Variants in KRAS observed in about 807,000 individuals in gnomAD.
KRAS encodes the protein KRas proto-oncogene, GTPase.
A neutral mutation model predicts 21.0 loss-of-function variants in KRAS; 1 was observed. That is an observed-to-expected ratio of 0.05 (90% CI 0.02 to 0.23). The LOEUF (loss-of-function observed/expected upper bound fraction) is 0.23. Ranked by LOEUF, KRAS falls within the 10% of genes least tolerant of loss-of-function variation. The probability of loss-of-function intolerance (pLI) is 1.00; values close to 1 mark genes in which losing one functional copy is unlikely to be tolerated. For missense variants in KRAS, 107 were observed against 221.8 expected (o/e 0.48, Z 3.29); for synonymous variants, 67 against 72.5 (o/e 0.92, Z 0.39).
intron 1 of KRAS, 49 bp from the exon 2 acceptor site, chr12:25,245,444 A>C: frequency 6.6e-7 from 1 of 1,515,192 alleles, no homozygotes; most frequent in South Asian, 1.2e-5. Context: ...CATGTCACAC[A>C]TAAGGTTAAT....
At position 25,215,461 on chromosome 12, in the gene KRAS, T is replaced by A. The variant is rs749267065; in HGVS notation, c.451-5550A>T. 5.6e-6 allele frequency: 9 copies of A among 1,612,782 alleles called. No individual in the cohort carries two copies. The East Asian group carries it at 6.7e-5, about 12-fold the overall frequency. ...CCAGATTACATTATAATGCATTTTTTAATTTTCACACAGCCAGGAGTCTTT... is the reference window on the plus strand; with the variant it reads ...CCAGATTACATTATAATGCATTTTTAAATTTTCACACAGCCAGGAGTCTTT... On this transcript the variant is annotated intron_variant, in intron 4 of 4. Transcript: ENST00000311936.
At chr12:25,226,892 T>C (rs1951400396) in intron 3 of KRAS, among the ~76,000 whole-genome samples, 1 of 152,182 alleles carries the variant, frequency 6.6e-6, no homozygotes, top group African/African-American at 2.4e-5. Context: ...CCATCTCAAA[T>C]CATCTTTTCA....
chr12:25,223,990 G>C (rs1233303137), intron 4 of KRAS, among the ~76,000 whole-genome samples: 3 of 152,000 alleles, frequency 2.0e-5, no homozygotes, highest in Non-Finnish European at 4.4e-5. Flanking sequence ...ATATGTGATA[G>C]TGGTCCCATA....
chr12:25,230,231 A>G (rs780409367), intron 2 of KRAS, among the ~76,000 whole-genome samples: 8 of 152,210 alleles, frequency 5.3e-5, no homozygotes, highest in African/African-American at 7.2e-5. Context: ...GATCACAATA[A>G]TATGTGTTTA....
At chr12:25,211,673 GAA>G (rs1951201612) in intron 4 of KRAS, among the ~76,000 whole-genome samples, 1 of 152,102 alleles carries the variant, frequency 6.6e-6, no homozygotes, top group Non-Finnish European at 1.5e-5. Flanking sequence ...CATGAACAAT[GAA>G]AATTAGCTAC....
intron 4 of KRAS, among the ~76,000 whole-genome samples, chr12:25,224,146 C>G (rs975683559): frequency 7.2e-6 from 1 of 138,828 alleles, no homozygotes; most frequent in Non-Finnish European, 1.5e-5. Flanking sequence ...GGTATAGCAC[C>G]TATATTGTTA....
chr12:25,213,410 T>C (rs930095388), intron 4 of KRAS, among the ~76,000 whole-genome samples: 2 of 152,236 alleles, frequency 1.3e-5, no homozygotes, highest in African/African-American at 4.8e-5. Flanking sequence ...TTATTTAAAA[T>C]GTGTAACTTT....
chr12:25,231,889 AAAGAG>A (rs1395770626), intron 2 of KRAS, among the ~76,000 whole-genome samples: 1 of 152,210 alleles, frequency 6.6e-6, no homozygotes, highest in Non-Finnish European at 1.5e-5. Context: ...GGATAAATAT[AAAGAG>A]AAAACAAACG....
chr12:25,234,863 A>G, intron 2 of KRAS: 1 of 218,776 alleles, frequency 4.6e-6, no homozygotes, highest in African/African-American at 2.2e-5. Flanking sequence ...TATTCCATGT[A>G]TCAAAACAAA....
intron 1 of KRAS, among the ~76,000 whole-genome samples, chr12:25,249,871 G>A (rs1271051609): frequency 1.3e-5 from 2 of 152,142 alleles, no homozygotes; most frequent in East Asian, 1.9e-4. Context: ...AACTAGCAAG[G>A]AAAAAGCCTT....
chr12:25,228,178 CTT>C (rs34584556), intron 2 of KRAS, among the ~76,000 whole-genome samples: 16 of 76,772 alleles, frequency 2.1e-4, no homozygotes, highest in Admixed American at 7.3e-4. Flanking sequence ...TTTCTTTCAT[CTT>C]TTTTTTTTTT....
chr12:25,246,723 T>C (rs1231859923), intron 1 of KRAS, among the ~76,000 whole-genome samples: 1 of 152,034 alleles, frequency 6.6e-6, no homozygotes, highest in Non-Finnish European at 1.5e-5. Flanking sequence ...AAGACCATCC[T>C]GGCTAACCCG....
intron 2 of KRAS, among the ~76,000 whole-genome samples, chr12:25,241,885 A>C (rs891755701): frequency 6.6e-6 from 1 of 152,218 alleles, no homozygotes; most frequent in African/African-American, 2.4e-5. Flanking sequence ...ATATATGTAT[A>C]AACTCAGAAG....
chr12:25,228,209 T>C (rs558152360), intron 2 of KRAS, among the ~76,000 whole-genome samples: 1 of 122,146 alleles, frequency 8.2e-6, no homozygotes, highest in Admixed American at 1.1e-4. Context: ...TTTGGAGAGA[T>C]AGGGTCTTGT....
chr12:25,242,127 T>G (rs1951617521), intron 2 of KRAS, among the ~76,000 whole-genome samples: 1 of 152,202 alleles, frequency 6.6e-6, no homozygotes, highest in African/African-American at 2.4e-5. Context: ...ATTAATCTGG[T>G]CTTCCTTACT....
chr12:25,225,346 GA>G (rs1172851053), intron 4 of KRAS: 12 of 200,300 alleles, frequency 6.0e-5, no homozygotes, highest in East Asian at 1.0e-4. Flanking sequence ...GTAACCATGG[GA>G]AAAAAAAATC....
intron 2 of KRAS, among the ~76,000 whole-genome samples, chr12:25,229,686 C>G (rs1951440725): frequency 6.6e-6 from 1 of 151,898 alleles, no homozygotes; most frequent in African/African-American, 2.4e-5. Flanking sequence ...AAATAAGAAG[C>G]AGGGCTAACA....
intron 1 of KRAS, among the ~76,000 whole-genome samples, chr12:25,248,940 T>C (rs1951725532): frequency 6.6e-6 from 1 of 152,220 alleles, no homozygotes; most frequent in South Asian, 2.1e-4. Context: ...GAGTCAGCAT[T>C]TTGGACCTCA....
At position 25,206,587 on chromosome 12, in the gene KRAS, C is replaced by G. The variant is rs778119780; in HGVS notation, c.*3208G>C. ...TCAAAAATTCAAGAGGCCTAAATAT[C>G]CCCTCATAAGCACTGCAGTTCCTGA... On this transcript the variant is annotated 3_prime_UTR_variant, in exon 5 of 5. Coordinates refer to ENST00000311936, the MANE Select transcript of KRAS (RefSeq NM_004985.5). The G allele has an allele frequency of 1.6e-4, 33 of 203,500 alleles. No individual in the cohort carries two copies. Among genetic ancestry groups the G allele is most frequent in the Non-Finnish European group, 2.8e-4 (28 of 99,524 alleles). 12.6% of individuals were successfully genotyped at this position (203,500 alleles called of 1,614,324 possible). A position where few individuals can be genotyped will look rare whatever the true frequency, so the allele number is the denominator to read the frequency against.
Sources: allele counts gnomAD v4.1 joint callset (sites outside exome capture counted in the v4.1 genomes callset), GRCh38; gene constraint gnomAD v4.1.1; transcripts MANE v1.5; gene names NCBI Gene and HGNC (gene_info 2026-07-23, HGNC 2026-07-21).